Variants in FOXA1 observed in about 807,000 individuals in gnomAD.
FOXA1 encodes the protein forkhead box A1, also known as hepatocyte nuclear factor 3-alpha.
In FOXA1, 9 loss-of-function variants were observed where a neutral mutation model predicts 29.2. That is an observed-to-expected ratio of 0.31 (90% confidence interval 0.19 to 0.54). The LOEUF (loss-of-function observed/expected upper bound fraction) is 0.54. Ranked by LOEUF, FOXA1 falls within the 20% of genes least tolerant of loss-of-function variation. FOXA1 has a pLI of 0.95. For missense variants in FOXA1, 644 were observed against 681.2 expected (o/e 0.95, Z 0.61); for synonymous variants, 340 against 300.9 (o/e 1.13, Z -1.34).
chr14:37,593,533 C>G (rs1337343478), intron 1 of FOXA1, among the ~76,000 whole-genome samples: 1 of 151,514 alleles, frequency 6.6e-6, no homozygotes, highest in African/African-American at 2.4e-5. Context: ...CCGATGATTT[C>G]AACGCCTGGC....
intron 1 of FOXA1, chr14:37,594,486 C>T (rs746831472): frequency 8.8e-6 from 5 of 570,222 alleles, no homozygotes; most frequent in Non-Finnish European, 1.1e-5. Context: ...CAGAAGACGT[C>T]TGCGAATTAA....
Position 37,589,806 on chromosome 14 carries a change from CACTTT to C in FOXA1, c.*1554_*1558del, listed in dbSNP as rs961611881. On this transcript the variant is annotated 3_prime_UTR_variant, in exon 2 of 2. Coordinates refer to ENST00000250448, the MANE Select transcript of FOXA1 (RefSeq NM_004496.5). Reference sequence around the variant, plus strand: ...TCTTGGAATATTAAATCAACTTATACACTTTACTTGAATTTCTTTCACTCCTTTTT... The same window carrying C: ...TCTTGGAATATTAAATCAACTTATACACTTGAATTTCTTTCACTCCTTTTT... Among the ~76,000 whole-genome samples the C allele has an allele frequency of 1.3e-5, 2 of 151,452 alleles. No individual in the cohort carries two copies. Among genetic ancestry groups the C allele is most frequent in the African/African-American group, 2.4e-5 (1 of 41,244 alleles).
rs2139179841 is a variant in FOXA1 at position 37,591,495 on chromosome 14, C to A, written c.1289G>T (p.Gly430Val). The change falls in exon 2 of 2, where the codon GGC (glycine) becomes GTC (valine). Residue 430 changes from glycine to valine, a missense_variant. Coordinates refer to ENST00000250448, the MANE Select transcript of FOXA1 (RefSeq NM_004496.5). ...YEQALQYSPY[G>V]STLPASLPLG... ...AGGCAGGCTGGCGGGCAACGTAGAG[C>A]CGTAAGGCGAGTATTGCAGTGCCTG... 6.2e-7 allele frequency: 1 copy of A among 1,614,190 alleles called. No individual in the cohort carries two copies.
In FOXA1 at chr14:37,591,962, G is replaced by T; in HGVS notation, c.822C>A (p.Ala274=). 1.3e-6 allele frequency: 2 copies of T among 1,539,408 alleles called. No individual in the cohort carries two copies. The highest frequency in any genetic ancestry group is 1.7e-6 in the Non-Finnish European group (2 of 1,147,332). ...CGCTTCCGCTCCCGCCCCCGCCGCC[G>T]GCCCCCGGCTGCTTCTCGCACTTGA... ...KRFKCEKQPG[A]GGGGGSGSGG... is the part of the protein sequence containing the mutation. The change falls in exon 2 of 2, where the codon GCC becomes GCA. Residue 274 remains alanine (A), a synonymous_variant. Transcript: ENST00000250448.
chr14:37,592,855 A>G, intron 1 of FOXA1, 144 bp from the exon 2 acceptor site: 1 of 945,224 alleles, frequency 1.1e-6, no homozygotes, highest in Non-Finnish European at 1.7e-6. Flanking sequence ...GCAAATGGCT[A>G]AGCGCCCTCC....
rs2139180585 is a variant in FOXA1, at chr14:37,591,728, T to C, written c.1056A>G (p.Pro352=). ...ATGGASELKT[P]ASSTAPPISS... ...TTATGGGGGGCGCAGTTGAGGAGGC[T>C]GGAGTCTTCAACTCCGAGGCGCCCC... The change falls in exon 2 of 2, where the codon CCA becomes CCG. Residue 352 remains proline (P), a synonymous_variant. Transcript: ENST00000250448. The C allele has an allele frequency of 6.3e-7, 1 of 1,577,378 alleles. No homozygotes were observed. The highest frequency in any genetic ancestry group is 8.6e-7 in the Non-Finnish European group (1 of 1,161,900).
chr14:37,594,801 C>A, intron 1 of FOXA1, 100 bp downstream of exon 1: 1 of 941,790 alleles, frequency 1.1e-6, no homozygotes, highest in South Asian at 3.1e-5. Context: ...GCGCCCCCGG[C>A]CCGCCTGCCT....
At chr14:37,593,496 T>G (rs2139185154) in intron 1 of FOXA1, among the ~76,000 whole-genome samples, 1 of 152,344 alleles carries the variant, frequency 6.6e-6, no homozygotes, top group East Asian at 1.9e-4. Flanking sequence ...ATAAATCTTT[T>G]TTTTTTTTCA....
Position 37,591,621 on chromosome 14 carries a change from A to G in FOXA1, c.1163T>C (p.Leu388Pro), listed in dbSNP as rs1334604520. 5 of 1,607,212 alleles carry G rather than the reference A, an allele frequency of 3.1e-6. No homozygotes were observed. The highest frequency in any genetic ancestry group is 2.7e-5 in the African/African-American group (2 of 74,860). The change falls in exon 2 of 2, where the codon CTG becomes CCG. Residue 388 changes from leucine to proline, a missense_variant. Leu to Pro is a moderately conservative substitution (Grantham distance 98). Coordinates refer to ENST00000250448, the MANE Select transcript of FOXA1 (RefSeq NM_004496.5). ...GLAPHESQLH[L>P]KGDPHYSFNH... ...GAAGGAGTAGTGGGGGTCCCCTTTC[A>G]GGTGCAGCTGGGACTCGTGGGGTGC...
At chr14:37,594,055 C>T (rs2139186034) in intron 1 of FOXA1, 2 of 1,229,276 alleles carry the variant, frequency 1.6e-6, no homozygotes, top group East Asian at 6.0e-5. Context: ...TTTCTGTCCA[C>T]GTCTTAAAAG....
rs200657522 is a variant in FOXA1, at chr14:37,592,064, C to G, written c.720G>C (p.Lys240Asn). The change falls in exon 2 of 2, where the codon AAG becomes AAC. Residue 240 changes from lysine to asparagine, a missense_variant. Physicochemically the swap from Lys to Asn is moderately conservative, Grantham distance 94 (BLOSUM62 0). Around this residue, in one of 5 missense-constraint regions of FOXA1, gnomAD observed 24 missense variants for 26.3 expected, o/e 0.91. Transcript: ENST00000250448. ...CCGGGTGCAGCGTCCAGTAGGAGCC[C>G]TTGCCCGGCTTGTCCGGGGAGCGTG... ...KVARSPDKPG[K>N]GSYWTLHPDS... is the part of the protein sequence containing the mutation. 6.2e-7 allele frequency: 1 copy of G among 1,610,250 alleles called. No homozygotes were observed. The highest frequency in any genetic ancestry group is 8.5e-7 in the Non-Finnish European group (1 of 1,178,040).
chr14:37,593,555 G>A (rs1034888753), intron 1 of FOXA1, among the ~76,000 whole-genome samples: 2 of 151,820 alleles, frequency 1.3e-5, no homozygotes, highest in African/African-American at 2.4e-5. Flanking sequence ...TTGAGATTCC[G>A]TGAGTAGTCT....
rs747595738 is a variant in FOXA1, at chr14:37,590,762, T to C, written c.*603A>G. On this transcript the variant is annotated 3_prime_UTR_variant, in exon 2 of 2. Transcript: ENST00000250448. ...CATTTAAAGACATCTGCTATCTGCA[T>C]GTATCAGAAATGTAAACTGAGAAGC... The C allele has an allele frequency of 8.3e-6, 2 of 242,126 alleles. No homozygotes were observed. The highest frequency in any genetic ancestry group is 1.6e-5 in the Non-Finnish European group (2 of 122,754). The allele number at this position is 242,126 out of a possible 1,614,324, so 15.0% of individuals were successfully genotyped here. A position where few individuals can be genotyped will look rare whatever the true frequency, so the allele number is the denominator to read the frequency against.
rs200907205 is a variant in FOXA1, at chr14:37,590,414, GAA to G, written c.*949_*950del. 2 of 226,152 alleles carry G rather than the reference GAA, an allele frequency of 8.8e-6. No homozygotes were observed. Among genetic ancestry groups the G allele is most frequent in the African/African-American group, 4.5e-5 (2 of 44,744 alleles). 14.0% of individuals were successfully genotyped at this position (226,152 alleles called of 1,614,324 possible). ...CAACATTGTAATATTCCCTTTTACT[GAA>G]AAAAAAATTCTTTAAATGGTATACA... On this transcript the variant is annotated 3_prime_UTR_variant, in exon 2 of 2. Transcript: ENST00000250448.
In FOXA1 at chr14:37,592,656, G is replaced by C. The variant is rs757052588; in HGVS notation, c.128C>G (p.Ser43Cys). Residue 43 changes from serine to cysteine, a missense_variant, in exon 2 of 2, where the codon TCC becomes TGC. This residue lies in a region of FOXA1 where 309 missense variants were observed against 307.0 expected (regional missense o/e 1.01). Coordinates refer to ENST00000250448, the MANE Select transcript of FOXA1 (RefSeq NM_004496.5). ...NMNSGLGSMN[S>C]MNTYMTMNTM... Reference sequence around the variant, plus strand: ...GTTCATGGTCATGTAGGTGTTCATGGAGTTCATGGAGCCCAGGCCTGAGTT... The same window carrying C: ...GTTCATGGTCATGTAGGTGTTCATGCAGTTCATGGAGCCCAGGCCTGAGTT... 2 of 1,614,186 alleles carry C rather than the reference G, an allele frequency of 1.2e-6. No homozygotes were observed. Among genetic ancestry groups the C allele is most frequent in the Non-Finnish European group, 1.7e-6 (2 of 1,180,036 alleles).
rs959387525 is a variant in FOXA1, at chr14:37,592,464, G to T, written c.320C>A (p.Ala107Glu). The change falls in exon 2 of 2, where the codon GCG (alanine) becomes GAG (glutamate). Residue 107 changes from alanine (A) to glutamate (E), a missense_variant. Transcript: ENST00000250448. ...GGCGCCCATGCCGCTCGGGCTCAGC[G>T]CCGTACCCATGGCCGTCACGCCGGC... Reference protein sequence around the residue: ...TAAGVTAMGTALSPSGMGAMG... With the variant: ...TAAGVTAMGTELSPSGMGAMG... 1 of 1,605,788 alleles carries T rather than the reference G, an allele frequency of 6.2e-7. No individual in the cohort carries two copies.
rs2095601421 is a variant in FOXA1 at position 37,595,199 on chromosome 14, C to G, written c.-227G>C. The G allele has an allele frequency of 1.0e-5, 2 of 192,982 alleles. No individual in the cohort carries two copies. Among genetic ancestry groups the G allele is most frequent in the East Asian group, 1.0e-4 (1 of 9,578 alleles). The allele number at this position is 192,982 out of a possible 1,614,324, so 12.0% of individuals were successfully genotyped here. Reference sequence around the variant, plus strand: ...CAGCGCCGGGGGCAGGCGGCTGCCGCGGAGCGCGGCGCCGGGGAGCGCCTC... The same window carrying G: ...CAGCGCCGGGGGCAGGCGGCTGCCGGGGAGCGCGGCGCCGGGGAGCGCCTC... On this transcript the variant is annotated 5_prime_UTR_variant, in exon 1 of 2. Transcript: ENST00000250448.
rs773103285 is a variant in FOXA1 at position 37,592,523 on chromosome 14, C to A, written c.261G>T (p.Gly87=). Residue 87 remains glycine (G), a synonymous_variant, in exon 2 of 2, where the codon GGG becomes GGT. Coordinates refer to ENST00000250448, the MANE Select transcript of FOXA1 (RefSeq NM_004496.5). Reference sequence around the variant, plus strand: ...TGCTGTTCATGGCGCCCGCCGAGCCCCCCGGCATGCCGGCTACTGCGCCGG... The same window carrying A: ...TGCTGTTCATGGCGCCCGCCGAGCCACCCGGCATGCCGGCTACTGCGCCGG... ...LSPGAVAGMP[G]GSAGAMNSMT... 1 of 1,613,286 alleles carries A rather than the reference C, an allele frequency of 6.2e-7. No homozygotes were observed.
Position 37,591,964 on chromosome 14 carries a change from C to T in FOXA1, c.820G>A (p.Ala274Thr), listed in dbSNP as rs2095596213. The T allele has an allele frequency of 6.5e-7, 1 of 1,546,722 alleles. No homozygotes were observed. Among genetic ancestry groups the T allele is most frequent in the Non-Finnish European group, 8.7e-7 (1 of 1,150,682 alleles). The change falls in exon 2 of 2, where the codon GCC becomes ACC. Residue 274 changes from alanine to threonine, a missense_variant. This residue lies in a region of FOXA1 where 295 missense variants were observed against 294.4 expected (regional missense o/e 1.00). Coordinates refer to ENST00000250448, the MANE Select transcript of FOXA1 (RefSeq NM_004496.5). Reference protein sequence around the residue: ...KRFKCEKQPGAGGGGGSGSGG... With the variant: ...KRFKCEKQPGTGGGGGSGSGG... ...CTTCCGCTCCCGCCCCCGCCGCCGG[C>T]CCCCGGCTGCTTCTCGCACTTGAAG...
Sources: allele counts gnomAD v4.1 joint callset (sites outside exome capture counted in the v4.1 genomes callset), GRCh38; gene constraint gnomAD v4.1.1; regional missense constraint gnomAD v4.1.1; transcripts MANE v1.5; gene names NCBI Gene and HGNC (gene_info 2026-07-23, HGNC 2026-07-21).